The following XPO5 variants were observed in gnomAD, a reference collection of about 807,000 sequenced individuals.
The protein encoded by XPO5 is exportin-5.
In XPO5, 46 loss-of-function variants were observed where a neutral mutation model predicts 160.6. That is an observed-to-expected ratio of 0.29 (90% confidence interval 0.23 to 0.37). The LOEUF is 0.37. XPO5 is among the 10% of genes least tolerant of loss of function. The probability of loss-of-function intolerance (pLI) is 1.00; values close to 1 mark genes in which losing one functional copy is unlikely to be tolerated. For missense variants in XPO5, 1,090 were observed against 1,463.9 expected (o/e 0.74, Z 4.17); for synonymous variants, 537 against 519.3 (o/e 1.03, Z -0.46).
chr6:43,569,216 C>T (rs1371834190), intron 5 of XPO5, among the ~76,000 whole-genome samples: 9 of 150,524 alleles, frequency 6.0e-5, no homozygotes, highest in East Asian at 1.9e-4. Context: ...CACTCGAACC[C>T]GGGAGGCAGA....
Position 43,522,577 on chromosome 6 carries a change from C to T in XPO5, c.*1291G>A, listed in dbSNP as rs1793257206. ...CACGATCCACAGAAACCCAGAGCACCACACAGGAAGAGGGAGCAACACAAG... is the reference window on the plus strand; with the variant it reads ...CACGATCCACAGAAACCCAGAGCACTACACAGGAAGAGGGAGCAACACAAG... On this transcript the variant is annotated 3_prime_UTR_variant, in exon 32 of 32. Coordinates refer to ENST00000265351, the MANE Select transcript of XPO5 (RefSeq NM_020750.3). The T allele has an allele frequency of 3.2e-6, 1 of 313,438 alleles. No individual in the cohort carries two copies. Among genetic ancestry groups the T allele is most frequent in the Non-Finnish European group, 7.1e-6 (1 of 140,098 alleles). 19.4% of individuals were successfully genotyped at this position (313,438 alleles called of 1,614,324 possible). A position where few individuals can be genotyped will look rare whatever the true frequency, so the allele number is the denominator to read the frequency against.
intron 17 of XPO5, 114 bp downstream of exon 17, chr6:43,549,375 T>C: frequency 2.8e-6 from 3 of 1,059,516 alleles, no homozygotes; most frequent in Non-Finnish European, 2.7e-6. Context: ...AGGATGCTTA[T>C]ATGATGCAAA....
chr6:43,573,274 A>G lies in XPO5; in HGVS notation c.227+206T>C, dbSNP rs1372127730. 8.1e-6 allele frequency: 5 copies of G among 614,654 alleles called. No homozygotes were observed. In the African/African-American group the frequency reaches 9.3e-5, roughly 11 times the overall value. 38.1% of individuals were successfully genotyped at this position (614,654 alleles called of 1,614,324 possible). A position where few individuals can be genotyped will look rare whatever the true frequency, so the allele number is the denominator to read the frequency against. On this transcript the variant is annotated intron_variant, in intron 2 of 31. Coordinates refer to ENST00000265351, the MANE Select transcript of XPO5 (RefSeq NM_020750.3). The stretch of plus-strand genomic sequence containing the variant: ...GTTGAATGGGTAATATGTACCACAC[A>G]CTTTACATGGATGAAGAAACTGAAG...
At chr6:43,559,932 T>G (rs1278841839) in intron 11 of XPO5, among the ~76,000 whole-genome samples, 1 of 152,150 alleles carries the variant, frequency 6.6e-6, no homozygotes, top group East Asian at 1.9e-4. Context: ...CCTCCCACCT[T>G]AAGCCTCCCC....
intron 20 of XPO5, among the ~76,000 whole-genome samples, chr6:43,545,407 T>C (rs1794914570): frequency 6.6e-6 from 1 of 152,014 alleles, no homozygotes; most frequent in South Asian, 2.1e-4. Flanking sequence ...AACAATGTAA[T>C]TTAAACATCC....
chr6:43,564,004 C>G (rs1398514742), intron 8 of XPO5, among the ~76,000 whole-genome samples: 1 of 152,150 alleles, frequency 6.6e-6, no homozygotes, highest in East Asian at 1.9e-4. Flanking sequence ...CTCACTGCAA[C>G]TTTCGCCTCC....
chr6:43,546,460 TCA>T, intron 20 of XPO5, 109 bp downstream of exon 20: 1 of 1,060,800 alleles, frequency 9.4e-7, no homozygotes, highest in Non-Finnish European at 1.3e-6. Flanking sequence ...AAGACTTAAA[TCA>T]ATCCCTCATT....
intron 22 of XPO5, 39 bp from the exon 23 acceptor site, chr6:43,530,863 C>A: frequency 6.3e-7 from 1 of 1,590,394 alleles, no homozygotes; most frequent in Non-Finnish European, 8.6e-7. Context: ...AATGACAAAT[C>A]CAACATCTGT....
chr6:43,573,357 G>T, intron 2 of XPO5, 123 bp downstream of exon 2: 1 of 1,298,442 alleles, frequency 7.7e-7, no homozygotes, highest in Admixed American at 2.5e-5. Context: ...ACATCTAGGG[G>T]ATCATTCCTC....
At chr6:43,538,376 C>T (rs1794483324) in intron 20 of XPO5, among the ~76,000 whole-genome samples, 1 of 151,934 alleles carries the variant, frequency 6.6e-6, no homozygotes, top group African/African-American at 2.4e-5. Flanking sequence ...GTCTCAAACT[C>T]TTAGCCTCAA....
At chr6:43,572,612 A>G in intron 2 of XPO5, 34 bp from the exon 3 acceptor site, 2 of 1,598,298 alleles carry the variant, frequency 1.3e-6, no homozygotes, top group Non-Finnish European at 1.7e-6. Flanking sequence ...CAATAGAACC[A>G]CTTTAGAAGT....
At chr6:43,538,432 G>C (rs899228059) in intron 20 of XPO5, among the ~76,000 whole-genome samples, 15 of 152,108 alleles carry the variant, frequency 9.9e-5, no homozygotes, top group Non-Finnish European at 1.8e-4. Flanking sequence ...TCACAAGCGT[G>C]AGGCACCACG....
chr6:43,534,186 T>C (rs1162605951), intron 20 of XPO5, among the ~76,000 whole-genome samples, 179 bp from the exon 21 acceptor site: 1 of 152,160 alleles, frequency 6.6e-6, no homozygotes, highest in African/African-American at 2.4e-5. Flanking sequence ...CAGACTTGTA[T>C]AGATATAATT....
At chr6:43,545,311 A>G (rs1040323292) in intron 20 of XPO5, among the ~76,000 whole-genome samples, 3 of 152,164 alleles carry the variant, frequency 2.0e-5, no homozygotes, top group Admixed American at 6.5e-5. Flanking sequence ...GGAGAGTTTC[A>G]CTGCGACATG....
chr6:43,548,509 CAAGGA>C lies in XPO5; in HGVS notation c.1861-54_1861-50del, dbSNP rs1795073084. ...CCAGAGGTGGTAAAGGTCTGATTTT[CAAGGA>C]GAGGTGGCTTACTCAAGGAAGAAAG... On this transcript the variant is annotated intron_variant, in intron 17 of 31. Transcript: ENST00000265351. 2.1e-6 allele frequency: 3 copies of C among 1,430,134 alleles called. No individual in the cohort carries two copies. The East Asian group carries it at 7.4e-5, about 35-fold the overall frequency. 88.6% of individuals were successfully genotyped at this position (1,430,134 alleles called of 1,614,324 possible).
Position 43,522,420 on chromosome 6 carries a change from A to C in XPO5, c.*1448T>G, listed in dbSNP as rs569392632. 45 of 159,418 alleles carry C rather than the reference A, an allele frequency of 2.8e-4. No individual in the cohort carries two copies. Among genetic ancestry groups the C allele is most frequent in the Admixed American group, 2.1e-3 (33 of 15,566 alleles). The allele number at this position is 159,418 out of a possible 1,614,324, so 9.9% of individuals were successfully genotyped here. On this transcript the variant is annotated 3_prime_UTR_variant, in exon 32 of 32. Coordinates refer to ENST00000265351, the MANE Select transcript of XPO5 (RefSeq NM_020750.3). ...CAAAAAGTTTCTATAAACAATAGAA[A>C]ATTTCTAGCATGAAGTCACAGGATG...
intron 8 of XPO5, among the ~76,000 whole-genome samples, chr6:43,563,006 T>A: frequency 6.6e-6 from 1 of 152,212 alleles, no homozygotes. Context: ...TTTTCATTTC[T>A]CCTTGGGACC....
intron 20 of XPO5, among the ~76,000 whole-genome samples, 176 bp from the exon 21 acceptor site, chr6:43,534,183 G>C (rs565633967): frequency 5.9e-5 from 9 of 152,310 alleles, no homozygotes; most frequent in African/African-American, 1.9e-4. Context: ...GAACAGACTT[G>C]TATAGATATA....
intron 4 of XPO5, 31 bp downstream of exon 4, chr6:43,570,826 T>C (rs769213698): frequency 1.0e-5 from 16 of 1,570,196 alleles, no homozygotes; most frequent in Non-Finnish European, 1.4e-5. Flanking sequence ...CAAGGAAAAG[T>C]ATACCAAACT....
Sources: allele counts gnomAD v4.1 joint callset (sites outside exome capture counted in the v4.1 genomes callset), GRCh38; gene constraint gnomAD v4.1.1; transcripts MANE v1.5; gene names NCBI Gene and HGNC (gene_info 2026-07-23, HGNC 2026-07-21).